The following MINK1 variants were observed in gnomAD, a reference collection of about 807,000 sequenced individuals.
MINK1 encodes misshapen like kinase 1, also known as misshapen-like kinase 1.
MINK1 carries 46 observed loss-of-function variants against 178.4 expected under a neutral mutation model. The observed-to-expected ratio is 0.26, with a 90% CI of 0.20 to 0.33. The LOEUF (loss-of-function observed/expected upper bound fraction) is 0.33, where lower values mean the gene tolerates loss of function less well. MINK1 is among the 10% of genes least tolerant of loss of function. The probability of loss-of-function intolerance (pLI) is 1.00; values close to 1 mark genes in which losing one functional copy is unlikely to be tolerated. For missense variants in MINK1, 1,366 were observed against 1,814.9 expected (o/e 0.75, Z 4.49); for synonymous variants, 797 against 709.7 (o/e 1.12, Z -1.96).
chr17:4,894,019 A>C lies in MINK1; in HGVS notation c.2596A>C (p.Met866Leu), dbSNP rs373074365. 1.3e-6 allele frequency: 2 copies of C among 1,591,222 alleles called. No homozygotes were observed. Among genetic ancestry groups the C allele is most frequent in the Admixed American group, 1.8e-5 (1 of 56,414 alleles). The part of the protein sequence containing the change: ...SDGDTDSVST[M>L]VVHDVEEITG... ...TGGGGATACAGACAGCGTCAGCACCATGGTGGTCCACGACGTCGAGGAGAT... is the reference window on the plus strand; with the variant it reads ...TGGGGATACAGACAGCGTCAGCACCCTGGTGGTCCACGACGTCGAGGAGAT... Residue 866 changes from methionine (M) to leucine (L), a missense_variant, in exon 22 of 32, where the codon ATG becomes CTG. Transcript: ENST00000355280. The surrounding 1 kb of genome is among the most constrained non-coding windows in gnomAD (Gnocchi z 4.1).
chr17:4,896,303 C>G lies in MINK1; in HGVS notation c.3576C>G (p.Val1192=). ...GTGCTGGCTTCCATGCTGTGGATGT[C>G]GACTCGGGGAACAGCTATGACATCT... ...GSSAGFHAVD[V]DSGNSYDIYI... Residue 1192 remains valine (V), a synonymous_variant, in exon 29 of 32, where the codon GTC becomes GTG. Transcript: ENST00000355280. The surrounding 1 kb of genome is among the most constrained non-coding windows in gnomAD (Gnocchi z 4.6). 6.2e-7 allele frequency: 1 copy of G among 1,601,358 alleles called. No homozygotes were observed.
rs1968569219 is a variant in MINK1 at position 4,889,644 on chromosome 17, C to T, written c.1231-3C>T. On this transcript the variant is annotated splice_region_variant and splice_polypyrimidine_tract_variant and intron_variant, in intron 12 of 31. Coordinates refer to ENST00000355280, the MANE Select transcript of MINK1 (RefSeq NM_153827.5). ...TCTTAAGACCACCTGGCTCTCCCCA[C>T]AGCAACAGCGGCGGGAGCGGGAGCA... is the stretch of plus-strand genomic sequence containing the variant. 1.9e-6 allele frequency: 3 copies of T among 1,574,770 alleles called. No homozygotes were observed. The highest frequency in any genetic ancestry group is 2.3e-5 in the East Asian group (1 of 42,620).
chr17:4,887,261 T>A lies in MINK1; in HGVS notation c.1019+82T>A. On this transcript the variant is annotated intron_variant, in intron 11 of 31. Coordinates refer to ENST00000355280, the MANE Select transcript of MINK1 (RefSeq NM_153827.5). This position sits in a 1 kb window ranked among gnomAD's most constrained non-coding sequence, Gnocchi z 7.6. ...CAGTGGTGCTTGGCTTTGGGGACTC[T>A]CAGCCTGGGGGTGGTGGGCACAGAG... The A allele has an allele frequency of 1.4e-6, 2 of 1,379,392 alleles. No homozygotes were observed. Among genetic ancestry groups the A allele is most frequent in the Non-Finnish European group, 2.0e-6 (2 of 993,650 alleles). 85.4% of individuals were successfully genotyped at this position (1,379,392 alleles called of 1,614,324 possible).
In MINK1 at chr17:4,847,560, G is replaced by A. The variant is rs1029750335; in HGVS notation, c.57+13920G>A. 9.9e-5 allele frequency among the ~76,000 whole-genome samples: 15 copies of A among 152,186 alleles called. 1 individual carries two copies. Among genetic ancestry groups the A allele is most frequent in the Admixed American group, 9.2e-4 (14 of 15,276 alleles). On this transcript the variant is annotated intron_variant, in intron 1 of 31. Transcript: ENST00000355280. Reference sequence around the variant, plus strand: ...CTAAAAATTTTTGAGTGCCTACTATGAGACAGAGCCAGCCCCCTGTCATAG... The same window carrying A: ...CTAAAAATTTTTGAGTGCCTACTATAAGACAGAGCCAGCCCCCTGTCATAG...
chr17:4,889,787 TGCCCTCCC>T (rs777448377), intron 13 of MINK1, 24 bp downstream of exon 13: 46 of 1,390,296 alleles, frequency 3.3e-5, no homozygotes, highest in East Asian at 5.9e-5. Flanking sequence ...CCCGCATCCC[TGCCCTCCC>T]GCCCTCCCGC....
At chr17:4,869,252 ATTTATTTATTTATTTATTT>A (rs1567587198) in intron 1 of MINK1, among the ~76,000 whole-genome samples, 44 of 16,194 alleles carry the variant, frequency 2.7e-3, no homozygotes, top group Admixed American at 0.01. Context: ...ATTATTATTT[ATTTATTTATTTATTTATTT>A]ATTTATTTAT....
chr17:4,896,884 C>CG lies in MINK1; in HGVS notation c.3915+71_3915+72insG. On this transcript the variant is annotated intron_variant, in intron 31 of 31. Transcript: ENST00000355280. This position sits in a 1 kb window ranked among gnomAD's most constrained non-coding sequence, Gnocchi z 4.6. Reference sequence around the variant, plus strand: ...TGACCCTAGGCCCCTGGGCAGAGTTCTGGGGAGAGGATGGTGGTGGTGGCT... The same window carrying CG: ...TGACCCTAGGCCCCTGGGCAGAGTTCGTGGGGAGAGGATGGTGGTGGTGGCT... 6.7e-7 allele frequency: 1 copy of CG among 1,491,864 alleles called. No homozygotes were observed. The allele number at this position is 1,491,864 out of a possible 1,614,324, so 92.4% of individuals were successfully genotyped here. A position where few individuals can be genotyped will look rare whatever the true frequency, so the allele number is the denominator to read the frequency against.
chr17:4,885,574 C>T lies in MINK1; in HGVS notation c.600C>T (p.Ile200=), dbSNP rs561646228. The T allele has an allele frequency of 1.9e-6, 3 of 1,613,922 alleles. No homozygotes were observed. The highest frequency in any genetic ancestry group is 1.1e-5 in the South Asian group (1 of 91,072). ...CCTACTGGATGGCTCCAGAGGTCAT[C>T]GCCTGTGATGAGAACCCTGATGCCA... ...GTPYWMAPEV[I]ACDENPDATY... is the part of the protein sequence containing the mutation. The change falls in exon 7 of 32, where the codon ATC becomes ATT. Residue 200 remains isoleucine (I), a synonymous_variant. Coordinates refer to ENST00000355280, the MANE Select transcript of MINK1 (RefSeq NM_153827.5). The surrounding 1 kb of genome is among the most constrained non-coding windows in gnomAD (Gnocchi z 5.0).
At position 4,894,667 on chromosome 17, in the gene MINK1, A is replaced by G. The variant is rs933677287; in HGVS notation, c.2917+34A>G. 1.3e-6 allele frequency: 2 copies of G among 1,526,278 alleles called. No individual in the cohort carries two copies. The highest frequency in any genetic ancestry group is 1.2e-5 in the South Asian group (1 of 85,050). The allele number at this position is 1,526,278 out of a possible 1,614,324, so 94.5% of individuals were successfully genotyped here. ...AGGAGGACAGACCTGCTGTGAGGCCAGGGTCCAGGGGCAGCCTGGAGGGGA... is the reference window on the plus strand; with the variant it reads ...AGGAGGACAGACCTGCTGTGAGGCCGGGGTCCAGGGGCAGCCTGGAGGGGA... On this transcript the variant is annotated intron_variant, in intron 24 of 31. Transcript: ENST00000355280. This position sits in a 1 kb window ranked among gnomAD's most constrained non-coding sequence, Gnocchi z 4.1.
At chr17:4,837,213 A>G (rs1183160946) in intron 1 of MINK1, among the ~76,000 whole-genome samples, 1 of 152,162 alleles carries the variant, frequency 6.6e-6, no homozygotes, top group Non-Finnish European at 1.5e-5. Context: ...TACAACAAAC[A>G]GTTCGGTGAA....
intron 31 of MINK1, 162 bp from the exon 32 acceptor site, chr17:4,897,042 C>G (rs1035043657): frequency 2.7e-5 from 23 of 866,918 alleles, no homozygotes; most frequent in Middle Eastern, 4.5e-4. Flanking sequence ...CCTAACATCC[C>G]AGCCTGCCTT....
intron 1 of MINK1, among the ~76,000 whole-genome samples, chr17:4,876,735 G>A (rs548432978): frequency 2.6e-5 from 4 of 152,070 alleles, no homozygotes; most frequent in Admixed American, 6.6e-5. Flanking sequence ...TTCTGCCTCC[G>A]CTCGGTCCCT....
chr17:4,890,302 G>A, intron 13 of MINK1: 1 of 1,394,128 alleles, frequency 7.2e-7, no homozygotes, highest in Non-Finnish European at 9.3e-7. Flanking sequence ...AACAGGCCCT[G>A]CTGCTGGTAA....
At chr17:4,880,566 CATG>C (rs1385388975) in intron 2 of MINK1, among the ~76,000 whole-genome samples, 1 of 147,470 alleles carries the variant, frequency 6.8e-6, no homozygotes, top group Non-Finnish European at 1.5e-5. Context: ...GGATTACAGG[CATG>C]AGCCACAGCG....
At chr17:4,842,389 G>C (rs1025394531) in intron 1 of MINK1, among the ~76,000 whole-genome samples, 1 of 152,142 alleles carries the variant, frequency 6.6e-6, no homozygotes, top group African/African-American at 2.4e-5. Flanking sequence ...GGAGAGACCC[G>C]GGGAGGGACT....
At chr17:4,837,187 A>AAAC (rs1334687761) in intron 1 of MINK1, among the ~76,000 whole-genome samples, 1 of 152,176 alleles carries the variant, frequency 6.6e-6, no homozygotes, top group South Asian at 2.1e-4. Flanking sequence ...ACTCTGTTTC[A>AAAC]AACAACAACA....
chr17:4,861,016 C>T (rs1914087074), intron 1 of MINK1, among the ~76,000 whole-genome samples: 1 of 152,230 alleles, frequency 6.6e-6, no homozygotes, highest in South Asian at 2.1e-4. Context: ...CCCTCCAGCC[C>T]TTGTTCCTCA....
chr17:4,893,576 G>A lies in MINK1; in HGVS notation c.2543G>A (p.Ser848Asn). 6.4e-7 allele frequency: 1 copy of A among 1,563,386 alleles called. No individual in the cohort carries two copies. The highest frequency in any genetic ancestry group is 8.7e-7 in the Non-Finnish European group (1 of 1,150,508). The part of the protein sequence containing the change: ...EEGEGGPAEG[S>N]RDTPGGRSDG... ...GGCGAAGGCGGGCCAGCAGAGGGGA[G>A]CAGAGATACCCCTGGGGGCCGGTAC... Residue 848 changes from serine to asparagine, a missense_variant, in exon 21 of 32, where the codon AGC becomes AAC. Ser to Asn is a conservative substitution (Grantham distance 46, BLOSUM62 1). This residue lies in a region of MINK1 where 709 missense variants were observed against 692.3 expected (regional missense o/e 1.02). Coordinates refer to ENST00000355280, the MANE Select transcript of MINK1 (RefSeq NM_153827.5).
chr17:4,845,185 C>G (rs375211055), intron 1 of MINK1, among the ~76,000 whole-genome samples: 1 of 152,118 alleles, frequency 6.6e-6, no homozygotes, highest in Admixed American at 6.6e-5. Flanking sequence ...AACACAACCC[C>G]CCTCCCAGCT....
Sources: allele counts gnomAD v4.1 joint callset (sites outside exome capture counted in the v4.1 genomes callset), GRCh38; gene constraint gnomAD v4.1.1; regional missense constraint gnomAD v4.1.1; non-coding constraint Gnocchi (gnomAD v3.1); transcripts MANE v1.5; gene names NCBI Gene and HGNC (gene_info 2026-07-23, HGNC 2026-07-21).